DPYD: variants seen among roughly 807,000 people sequenced by gnomAD.
DPYD encodes the protein dihydropyrimidine dehydrogenase [NADP(+)].
In DPYD, 109 loss-of-function variants were observed where a neutral mutation model predicts 116.2. That is an observed-to-expected ratio of 0.94 (90% CI 0.80 to 1.10). DPYD has a LOEUF of 1.10. DPYD is among the 50% of genes least tolerant of loss of function. The pLI is 0.00. For missense variants in DPYD, 1,302 were observed against 1,254.5 expected (o/e 1.04, Z -0.57); for synonymous variants, 440 against 432.0 (o/e 1.02, Z -0.23).
At chr1:97,113,932 T>G (rs1205984296) in intron 20 of DPYD, among the ~76,000 whole-genome samples, 1 of 152,108 alleles carries the variant, frequency 6.6e-6, no homozygotes, top group Non-Finnish European at 1.5e-5. Context: ...AAATGCATTG[T>G]GTTTTCTAAA....
intron 15 of DPYD, among the ~76,000 whole-genome samples, chr1:97,376,462 G>T (rs1671620546): frequency 6.6e-6 from 1 of 152,014 alleles, no homozygotes; most frequent in Non-Finnish European, 1.5e-5. Flanking sequence ...ACCTGGCAAG[G>T]CCTTTGAAAT....
intron 19 of DPYD, among the ~76,000 whole-genome samples, chr1:97,208,220 G>T (rs1215115880): frequency 6.1e-4 from 69 of 113,528 alleles, no homozygotes; most frequent in South Asian, 1.7e-3. Flanking sequence ...CTTTCTCTTT[G>T]TTTCTTTTCT....
chr1:97,624,750 G>A (rs563544630), intron 8 of DPYD, among the ~76,000 whole-genome samples: 9 of 152,070 alleles, frequency 5.9e-5, no homozygotes, highest in African/African-American at 2.2e-4. Context: ...TAAAGAAAAT[G>A]TATATATACA....
At chr1:97,714,661 A>C (rs1281186129) in intron 5 of DPYD, among the ~76,000 whole-genome samples, 3 of 151,506 alleles carry the variant, frequency 2.0e-5, no homozygotes, top group Admixed American at 6.6e-5. Context: ...AAGACAAAAA[A>C]AAAAAAAAAA....
chr1:97,182,470 T>A (rs76438218), intron 20 of DPYD, among the ~76,000 whole-genome samples: 3,128 of 152,238 alleles, frequency 0.021, 138 homozygotes, highest in Admixed American at 0.11. Context: ...TTTAGCCTCA[T>A]GTGATCTGAC....
intron 11 of DPYD, among the ~76,000 whole-genome samples, chr1:97,551,326 C>T (rs1344909188): frequency 6.6e-6 from 1 of 152,092 alleles, no homozygotes; most frequent in Non-Finnish European, 1.5e-5. Context: ...CATAACAGAT[C>T]ATCACTACCA....
intron 12 of DPYD, among the ~76,000 whole-genome samples, chr1:97,518,824 A>G (rs536104065): frequency 3.3e-5 from 5 of 152,276 alleles, no homozygotes; most frequent in Non-Finnish European, 5.9e-5. Flanking sequence ...GATACAGAAG[A>G]AAATAATTTA....
chr1:97,890,030 G>T (rs1203128618), intron 1 of DPYD, among the ~76,000 whole-genome samples: 1 of 151,944 alleles, frequency 6.6e-6, no homozygotes, highest in Non-Finnish European at 1.5e-5. Flanking sequence ...ATGACATATT[G>T]TTGATACCAT....
chr1:97,107,597 G>A (rs1395752565), intron 20 of DPYD, among the ~76,000 whole-genome samples: 1 of 152,030 alleles, frequency 6.6e-6, no homozygotes, highest in Non-Finnish European at 1.5e-5. Flanking sequence ...CAGACACTTT[G>A]CAAAGCACAT....
At chr1:97,775,717 T>C (rs764378843) in intron 3 of DPYD, among the ~76,000 whole-genome samples, 8 of 152,142 alleles carry the variant, frequency 5.3e-5, no homozygotes, top group Non-Finnish European at 1.2e-4. Context: ...CAGGATGTCA[T>C]CTTTGTGAGA....
At position 97,865,703 on chromosome 1, in the gene DPYD, T is replaced by C. The variant is rs188951364; in HGVS notation, c.150+17561A>G. ...TTATGTGCCAATTATACTATGAATA[T>C]GTAATTGGCAGAACTGTATGGGCAG... On this transcript the variant is annotated intron_variant, in intron 2 of 22. Coordinates refer to ENST00000370192, the MANE Select transcript of DPYD (RefSeq NM_000110.4). Among the ~76,000 whole-genome samples, 373 of 152,068 alleles carry C rather than the reference T, an allele frequency of 2.5e-3. 2 individuals are homozygous for C. The highest frequency in any genetic ancestry group is 5.7e-3 in the Admixed American group (87 of 15,228).
chr1:97,317,430 T>A (rs1338717329), intron 16 of DPYD, among the ~76,000 whole-genome samples: 1 of 151,966 alleles, frequency 6.6e-6, no homozygotes, highest in Non-Finnish European at 1.5e-5. Context: ...CTTGCCCTAC[T>A]ATGTATGGAT....
At chr1:97,318,562 A>G (rs2101089558) in intron 16 of DPYD, among the ~76,000 whole-genome samples, 1 of 152,166 alleles carries the variant, frequency 6.6e-6, no homozygotes, top group African/African-American at 2.4e-5. Flanking sequence ...CCAATACAGG[A>G]GCACCCAGAT....
intron 18 of DPYD, among the ~76,000 whole-genome samples, chr1:97,240,728 A>G (rs1468998236): frequency 6.6e-6 from 1 of 152,050 alleles, no homozygotes; most frequent in African/African-American, 2.4e-5. Flanking sequence ...AAAAAAAATT[A>G]GTAAATCAAG....
At chr1:97,556,504 C>G (rs1370536103) in intron 11 of DPYD, among the ~76,000 whole-genome samples, 2 of 103,800 alleles carry the variant, frequency 1.9e-5, no homozygotes, top group Non-Finnish European at 3.8e-5. Context: ...ATCCCTCCCC[C>G]CTCCCCCCAC....
At chr1:97,594,562 T>G (rs1654746718) in intron 9 of DPYD, among the ~76,000 whole-genome samples, 1 of 152,168 alleles carries the variant, frequency 6.6e-6, no homozygotes, top group South Asian at 2.1e-4. Context: ...CCAAAGACAA[T>G]GACTCTGGTC....
chr1:97,159,056 A>G (rs1655696464), intron 20 of DPYD, among the ~76,000 whole-genome samples: 4 of 152,106 alleles, frequency 2.6e-5, no homozygotes, highest in Admixed American at 2.6e-4. Flanking sequence ...CATAGGAAAG[A>G]GCATTTTGAC....
chr1:97,851,437 T>C (rs974483456), intron 2 of DPYD, among the ~76,000 whole-genome samples: 2 of 152,018 alleles, frequency 1.3e-5, no homozygotes, highest in African/African-American at 4.8e-5. Context: ...TAGATGCACA[T>C]AGTGCATGTA....
chr1:97,098,436 T>C, intron 21 of DPYD, 53 bp downstream of exon 21: 1 of 1,575,344 alleles, frequency 6.3e-7, no homozygotes, highest in Non-Finnish European at 8.7e-7. Flanking sequence ...TAACTATATT[T>C]GTATATTTAA....
Sources: gnomAD v4.1 joint callset for allele counts (sites outside exome capture counted in the v4.1 genomes callset) on GRCh38, gnomAD v4.1.1 for gene constraint, MANE v1.5 for transcripts, NCBI Gene and HGNC (gene_info 2026-07-23, HGNC 2026-07-21) for gene names.